TRIO: variants seen among roughly 807,000 people sequenced by gnomAD.
The protein encoded by TRIO is triple functional domain protein.
In TRIO, 58 loss-of-function variants were observed where a neutral mutation model predicts 351.9. That is an observed-to-expected ratio of 0.16 (90% CI 0.13 to 0.21). The LOEUF (loss-of-function observed/expected upper bound fraction) is 0.21, where lower values mean the gene tolerates loss of function less well. Ranked by LOEUF, TRIO falls within the 10% of genes least tolerant of loss-of-function variation. The pLI, the probability that TRIO is intolerant of heterozygous loss-of-function variation, is 1.00. For synonymous variants in TRIO, 1,758 were observed against 1,595.7 expected, an observed-to-expected ratio of 1.10 and a Z score of -2.42; for missense variants, 3,201 against 4,027.8, an observed-to-expected ratio of 0.79 and a Z score of 5.56.
chr5:14,327,708 C>T (rs562592798), intron 9 of TRIO, among the ~76,000 whole-genome samples: 7 of 152,258 alleles, frequency 4.6e-5, no homozygotes, highest in Admixed American at 2.6e-4. Flanking sequence ...GTAGATCTTA[C>T]AGGCAGGTGA....
At chr5:14,209,345 A>C (rs1463535180) in intron 1 of TRIO, among the ~76,000 whole-genome samples, 1 of 152,260 alleles carries the variant, frequency 6.6e-6, no homozygotes, top group African/African-American at 2.4e-5. Flanking sequence ...GGAACGTTTT[A>C]GACATACATA....
chr5:14,187,538 C>G (rs144063442), intron 1 of TRIO, among the ~76,000 whole-genome samples: 2 of 152,212 alleles, frequency 1.3e-5, no homozygotes, highest in South Asian at 2.1e-4. Flanking sequence ...ACCATTGTAC[C>G]GAGGAGTGGG....
intron 11 of TRIO, among the ~76,000 whole-genome samples, chr5:14,354,760 C>G (rs753968731): frequency 2.6e-5 from 4 of 152,134 alleles, no homozygotes; most frequent in African/African-American, 9.7e-5. Context: ...TATGCAGAGT[C>G]CCCTGTTGAT....
At chr5:14,305,980 G>A (rs1738333924) in intron 8 of TRIO, among the ~76,000 whole-genome samples, 1 of 152,216 alleles carries the variant, frequency 6.6e-6, no homozygotes, top group Non-Finnish European at 1.5e-5. Context: ...GGAGCAGTGG[G>A]CTGCTCCCTA....
At position 14,321,771 on chromosome 5, in the gene TRIO, T is replaced by C. The variant is rs145710164; in HGVS notation, c.1731+5028T>C. On this transcript the variant is annotated intron_variant, in intron 9 of 56. Transcript: ENST00000344204. ...CCCACTTGTCATGGGAGGGACCCAG[T>C]GAGAGGTAATTGAATCGTGGGGGTG... is the stretch of plus-strand genomic sequence containing the variant. Among the ~76,000 whole-genome samples, 492 of 152,316 alleles carry C rather than the reference T, an allele frequency of 3.2e-3. 16 individuals carry two copies. In the East Asian group the frequency reaches 0.084, roughly 26 times the overall value.
intron 21 of TRIO, among the ~76,000 whole-genome samples, chr5:14,386,911 A>G (rs1746594420): frequency 6.6e-6 from 1 of 152,218 alleles, no homozygotes; most frequent in African/African-American, 2.4e-5. Context: ...TCAACACGAC[A>G]CAGAGGAGCT....
chr5:14,495,721 C>A (rs916697601), intron 49 of TRIO, among the ~76,000 whole-genome samples: 3 of 146,500 alleles, frequency 2.0e-5, no homozygotes, highest in Non-Finnish European at 4.5e-5. Flanking sequence ...GTAATCCCAG[C>A]AGTTTGGGAG....
chr5:14,494,898 C>CA (rs1227941431), intron 49 of TRIO, among the ~76,000 whole-genome samples: 10 of 151,854 alleles, frequency 6.6e-5, no homozygotes, highest in African/African-American at 2.4e-4. Flanking sequence ...GACTCTGTCT[C>CA]AAAAAAAGGA....
chr5:14,331,791 G>T (rs1273901911), intron 10 of TRIO, among the ~76,000 whole-genome samples: 1 of 152,088 alleles, frequency 6.6e-6, no homozygotes, highest in Non-Finnish European at 1.5e-5. Flanking sequence ...CTAATTTGAA[G>T]GTCCTTTCCT....
At chr5:14,143,927 C>T in intron 1 of TRIO, 45 bp downstream of exon 1, 1 of 1,045,388 alleles carries the variant, frequency 9.6e-7, no homozygotes, top group Non-Finnish European at 1.2e-6. Flanking sequence ...CTGCCCCAAG[C>T]GCTCGGCCGA....
intron 8 of TRIO, among the ~76,000 whole-genome samples, chr5:14,309,149 GTCTA>G (rs991510626): frequency 3.7e-5 from 5 of 136,316 alleles, no homozygotes; most frequent in African/African-American, 1.4e-4. Flanking sequence ...ATCTATCTGT[GTCTA>G]TCTGTATTAA....
chr5:14,467,168 A>G (rs567835970), intron 37 of TRIO, among the ~76,000 whole-genome samples: 7 of 152,332 alleles, frequency 4.6e-5, no homozygotes, highest in African/African-American at 1.7e-4. Context: ...CTGAACATCC[A>G]TTACATGTTT....
intron 2 of TRIO, among the ~76,000 whole-genome samples, chr5:14,272,964 A>G (rs1735167741): frequency 1.3e-5 from 2 of 152,202 alleles, no homozygotes. Flanking sequence ...AATCTAATTC[A>G]CATACTCTAA....
chr5:14,196,564 C>T (rs1260965661), intron 1 of TRIO, among the ~76,000 whole-genome samples: 3 of 152,102 alleles, frequency 2.0e-5, no homozygotes, highest in Non-Finnish European at 4.4e-5. Context: ...AAATGGAGCA[C>T]TGTCACTAAA....
At chr5:14,291,428 G>A (rs1448889403) in intron 5 of TRIO, among the ~76,000 whole-genome samples, 200 bp downstream of exon 5, 2 of 151,906 alleles carry the variant, frequency 1.3e-5, no homozygotes, top group Non-Finnish European at 2.9e-5. Flanking sequence ...TGCTGTTTTA[G>A]AAATTTTGAG....
rs145307598 is a variant in TRIO, at chr5:14,429,692, G to T, written c.5203+9671G>T. ...AAGTTATGTTTAGGTATTTTACATG[G>T]TTCAGAAAACAAGACATGAAGCGGT... On this transcript the variant is annotated intron_variant, in intron 34 of 56. Coordinates refer to ENST00000344204, the MANE Select transcript of TRIO (RefSeq NM_007118.4). 5.6e-3 allele frequency among the ~76,000 whole-genome samples: 847 copies of T among 152,282 alleles called. 10 individuals carry two copies. The highest frequency in any genetic ancestry group is 0.019 in the African/African-American group (808 of 41,542).
At chr5:14,337,819 A>AGT (rs559760722) in intron 11 of TRIO, among the ~76,000 whole-genome samples, 184 of 152,124 alleles carry the variant, frequency 1.2e-3, no homozygotes, top group Non-Finnish European at 2.2e-3. Flanking sequence ...AGTGGAGGAG[A>AGT]GTACACAGCA....
chr5:14,479,710 CA>C (rs1436788284), intron 42 of TRIO, among the ~76,000 whole-genome samples: 5 of 152,016 alleles, frequency 3.3e-5, no homozygotes, highest in African/African-American at 1.2e-4. Context: ...TGCCTTTAAA[CA>C]AGCATAAAAG....
intron 33 of TRIO, among the ~76,000 whole-genome samples, chr5:14,417,774 C>T (rs1465100279): frequency 6.6e-6 from 1 of 152,232 alleles, no homozygotes; most frequent in Non-Finnish European, 1.5e-5. Context: ...ATCCAGGCTT[C>T]GTTTTGGGTT....
Sources: allele counts gnomAD v4.1 joint callset (sites outside exome capture counted in the v4.1 genomes callset), GRCh38; gene constraint gnomAD v4.1.1; transcripts MANE v1.5; gene names NCBI Gene and HGNC (gene_info 2026-07-23, HGNC 2026-07-21).